Variants in CEP89 observed in about 807,000 individuals in gnomAD.
The protein encoded by CEP89 is centrosomal protein 89.
In CEP89, 95 loss-of-function variants were observed where a neutral mutation model predicts 97.6. The observed-to-expected ratio is 0.97, with a 90% CI of 0.82 to 1.15. The LOEUF (loss-of-function observed/expected upper bound fraction) is 1.15, where lower values mean the gene tolerates loss of function less well. Among genes scored for constraint, CEP89 ranks in the 50% most tolerant of loss-of-function variants. CEP89 has a pLI of 0.00. For missense variants in CEP89, 869 were observed against 947.7 expected, an observed-to-expected ratio of 0.92 and a Z score of 1.09; for synonymous variants, 354 against 349.1, an observed-to-expected ratio of 1.01 and a Z score of -0.16.
intron 17 of CEP89, among the ~76,000 whole-genome samples, chr19:32,883,483 C>T (rs1234061833): frequency 6.6e-6 from 1 of 151,888 alleles, no homozygotes; most frequent in Non-Finnish European, 1.5e-5. Flanking sequence ...TCCAGACCAG[C>T]CTGGCCAACA....
At chr19:32,918,138 TG>T in intron 13 of CEP89, 85 bp downstream of exon 13, 3 of 1,117,718 alleles carry the variant, frequency 2.7e-6, no homozygotes, top group Non-Finnish European at 4.0e-6. Flanking sequence ...CATTTTCAAC[TG>T]GGGCCCCCGG....
chr19:32,883,698 T>A (rs11668529), intron 17 of CEP89, among the ~76,000 whole-genome samples: 1 of 152,036 alleles, frequency 6.6e-6, no homozygotes, highest in Non-Finnish European at 1.5e-5. Flanking sequence ...AAAAAACAAA[T>A]GCCTACATTA....
At chr19:32,900,888 CT>C (rs34188586) in intron 15 of CEP89, among the ~76,000 whole-genome samples, 22,831 of 138,014 alleles carry the variant, frequency 0.17, 1,911 homozygotes, top group Non-Finnish European at 0.22. Context: ...CTTCATTTGT[CT>C]TTTTTTTTTT....
In CEP89 at chr19:32,913,022, G is replaced by A. The variant is rs187935952; in HGVS notation, c.1565+2315C>T. Among the ~76,000 whole-genome samples the A allele has an allele frequency of 6.1e-4, 91 of 150,110 alleles. 1 individual carries two copies. The highest frequency in any genetic ancestry group is 2.0e-3 in the African/African-American group (84 of 41,034). ...AGCGCTACTGCACTCCAGCCTGGGC[G>A]ACAGTGAGACTCCGTCTCAAAAAAA... On this transcript the variant is annotated intron_variant, in intron 14 of 18. Coordinates refer to ENST00000305768, the MANE Select transcript of CEP89 (RefSeq NM_032816.5).
chr19:32,919,592 C>T (rs1303890821), intron 12 of CEP89, among the ~76,000 whole-genome samples: 1 of 152,150 alleles, frequency 6.6e-6, no homozygotes, highest in Non-Finnish European at 1.5e-5. Context: ...AGGGGGCTCG[C>T]CCAAAACTGG....
chr19:32,908,363 GCAGCTTTGGCTGAA>G (rs1249376424), intron 14 of CEP89, among the ~76,000 whole-genome samples: 2 of 152,210 alleles, frequency 1.3e-5, no homozygotes, highest in Non-Finnish European at 2.9e-5. Flanking sequence ...AGCCTTTATG[GCAGCTTTGGCTGAA>G]CAGCTTTGGG....
chr19:32,961,289 G>A lies in CEP89; in HGVS notation c.147-1231C>T, dbSNP rs541037357. ...CTAACAAATCATATAAGAAAGACCC[G>A]GCCAGGCACAGTGGCTCACATCTGT... On this transcript the variant is annotated intron_variant, in intron 2 of 18. Transcript: ENST00000305768. Among the ~76,000 whole-genome samples, 22 of 151,998 alleles carry A rather than the reference G, an allele frequency of 1.4e-4. No homozygotes were observed. In the South Asian group the frequency reaches 4.4e-3, roughly 30 times the overall value.
chr19:32,956,376 GTT>G (rs1029267244), intron 3 of CEP89, among the ~76,000 whole-genome samples: 1 of 141,750 alleles, frequency 7.1e-6, no homozygotes, highest in Non-Finnish European at 1.6e-5. Context: ...TTTTATTTTT[GTT>G]TTTTTTTTTG....
intron 18 of CEP89, among the ~76,000 whole-genome samples, chr19:32,879,732 AG>A (rs1450546996): frequency 1.3e-5 from 2 of 152,256 alleles, no homozygotes; most frequent in African/African-American, 4.8e-5. Flanking sequence ...GTGTCGAATA[AG>A]GAACTGCAGG....
chr19:32,946,824 C>T (rs139894193), intron 5 of CEP89, among the ~76,000 whole-genome samples: 170 of 152,208 alleles, frequency 1.1e-3, no homozygotes, highest in Non-Finnish European at 1.8e-3. Flanking sequence ...TCCCCAGCCA[C>T]GGGGAACTAT....
chr19:32,971,908 G>A lies in CEP89; in HGVS notation c.-34C>T. The A allele has an allele frequency of 6.4e-7, 1 of 1,573,048 alleles. No homozygotes were observed. The highest frequency in any genetic ancestry group is 1.2e-5 in the South Asian group (1 of 86,444). The stretch of plus-strand genomic sequence containing the variant: ...CGCGAGGAGAATGGACCGGGGCCTG[G>A]ACTCATCAGCAGATCTATCCACAGC... On this transcript the variant is annotated 5_prime_UTR_variant, in exon 1 of 19. Coordinates refer to ENST00000305768, the MANE Select transcript of CEP89 (RefSeq NM_032816.5).
intron 16 of CEP89, among the ~76,000 whole-genome samples, chr19:32,897,059 G>C (rs1969658874): frequency 6.6e-6 from 1 of 152,134 alleles, no homozygotes; most frequent in Non-Finnish European, 1.5e-5. Flanking sequence ...AAAAGGGTGA[G>C]ACTCTAGTTT....
intron 14 of CEP89, among the ~76,000 whole-genome samples, chr19:32,913,312 TGTTGTTGTTGTTG>T (rs1419761171): frequency 0.19 from 11,938 of 64,026 alleles, 614 homozygotes; most frequent in East Asian, 0.5. Context: ...TATATTTTTT[TGTTGTTGTTGTTG>T]TTGTTGTTGT....
At chr19:32,960,773 G>A (rs1034157536) in intron 2 of CEP89, among the ~76,000 whole-genome samples, 2 of 151,472 alleles carry the variant, frequency 1.3e-5, no homozygotes, top group East Asian at 3.9e-4. Context: ...TTGCACTACT[G>A]CACTCCAACC....
In CEP89 at chr19:32,947,102, C is replaced by A. The variant is rs75376872; in HGVS notation, c.595+1164G>T. On this transcript the variant is annotated intron_variant, in intron 5 of 18. Transcript: ENST00000305768. ...TGAGAAATGATTTACAGAAACGTTT[C>A]CCTGAGCCCGAGCAACTCTAGGGCT... 4.3e-3 allele frequency among the ~76,000 whole-genome samples: 654 copies of A among 152,262 alleles called. 6 individuals carry two copies. The highest frequency in any genetic ancestry group is 0.015 in the African/African-American group (612 of 41,542).
chr19:32,966,264 A>T, intron 2 of CEP89, 96 bp downstream of exon 2: 1 of 526,906 alleles, frequency 1.9e-6, no homozygotes, highest in Non-Finnish European at 3.3e-6. Flanking sequence ...TAACCACCCT[A>T]CTTATACTTT....
Position 32,966,326 on chromosome 19 carries a change from G to A in CEP89, c.146+34C>T, listed in dbSNP as rs115739329. The A allele has an allele frequency of 2.0e-4, 247 of 1,252,958 alleles. No individual in the cohort carries two copies. In the African/African-American group the frequency reaches 3.6e-3, roughly 18 times the overall value. 77.6% of individuals were successfully genotyped at this position (1,252,958 alleles called of 1,614,324 possible). A position where few individuals can be genotyped will look rare whatever the true frequency, so the allele number is the denominator to read the frequency against. Reference sequence around the variant, plus strand: ...TCCAGTACTTGGAGGCTGAGCACAGGGGTGACCTCAGTGCCTGCTCATCTG... The same window carrying A: ...TCCAGTACTTGGAGGCTGAGCACAGAGGTGACCTCAGTGCCTGCTCATCTG... On this transcript the variant is annotated intron_variant, in intron 2 of 18. Transcript: ENST00000305768.
chr19:32,968,644 C>A (rs1303784350), intron 1 of CEP89, among the ~76,000 whole-genome samples: 1 of 151,948 alleles, frequency 6.6e-6, no homozygotes, highest in East Asian at 1.9e-4. Flanking sequence ...AGAGTGAATC[C>A]CCCCTCATAC....
rs181507703 is a variant in CEP89, at chr19:32,934,743, C to G, written c.668-1074G>C. On this transcript the variant is annotated intron_variant, in intron 7 of 18. Coordinates refer to ENST00000305768, the MANE Select transcript of CEP89 (RefSeq NM_032816.5). Reference sequence around the variant, plus strand: ...AAGCCTGAAATGTGCCAAGAGAGGGCAGCTAGAAAATGGGGAGGGGTGGCT... The same window carrying G: ...AAGCCTGAAATGTGCCAAGAGAGGGGAGCTAGAAAATGGGGAGGGGTGGCT... Among the ~76,000 whole-genome samples, 408 of 152,204 alleles carry G rather than the reference C, an allele frequency of 2.7e-3. 6 individuals are homozygous for G. Among genetic ancestry groups the G allele is most frequent in the Non-Finnish European group, 3.4e-3 (233 of 68,000 alleles).
Sources: allele counts gnomAD v4.1 joint callset (sites outside exome capture counted in the v4.1 genomes callset), GRCh38; gene constraint gnomAD v4.1.1; transcripts MANE v1.5; gene names NCBI Gene and HGNC (gene_info 2026-07-23, HGNC 2026-07-21).